TPRA1: variants seen among roughly 807,000 people sequenced by gnomAD.
TPRA1 encodes the protein transmembrane protein adipocyte associated 1.
Under a neutral mutation model 40.1 loss-of-function variants are expected in TPRA1, and 28 were observed. The observed-to-expected ratio is 0.70, with a 90% confidence interval of 0.52 to 0.96. TPRA1 has a LOEUF of 0.96. TPRA1 is among the 40% of genes least tolerant of loss of function. TPRA1 has a pLI of 0.00. For missense variants in TPRA1, 441 were observed against 482.6 expected (o/e 0.91, Z 0.81); for synonymous variants, 219 against 209.7 (o/e 1.04, Z -0.38).
chr3:127,574,752 T>C (rs2073521986), intron 10 of TPRA1, among the ~76,000 whole-genome samples: 2 of 152,256 alleles, frequency 1.3e-5, no homozygotes, highest in Admixed American at 6.5e-5. Flanking sequence ...GGAGAGTATG[T>C]CTGTGTGTAC....
intron 1 of TPRA1, among the ~76,000 whole-genome samples, chr3:127,586,742 A>G (rs2107659167): frequency 6.6e-6 from 1 of 152,288 alleles, no homozygotes; most frequent in South Asian, 2.1e-4. Flanking sequence ...CCCAGAATGG[A>G]ATGTCACGCA....
chr3:127,584,944 G>A (rs537638902), intron 1 of TPRA1, among the ~76,000 whole-genome samples: 1 of 152,230 alleles, frequency 6.6e-6, no homozygotes, highest in Non-Finnish European at 1.5e-5. Context: ...AGCAAGAGCA[G>A]CCTCCTCAGA....
In TPRA1 at chr3:127,571,970, A is replaced by G. The variant is rs1471372357; in HGVS notation, c.*1551T>C. The G allele has an allele frequency of 6.6e-6, 1 of 152,076 alleles. No individual in the cohort carries two copies. Among genetic ancestry groups the G allele is most frequent in the Non-Finnish European group, 1.5e-5 (1 of 68,016 alleles). The allele number at this position is 152,076 out of a possible 1,614,324, so 9.4% of individuals were successfully genotyped here. ...GATGGTCAAATCCCTGCTGGCCCCA[A>G]CCCTTACCCCGCTCACTCAGAATGC... On this transcript the variant is annotated 3_prime_UTR_variant, in exon 11 of 11. Transcript: ENST00000355552.
At chr3:127,583,041 G>A (rs551608687) in intron 1 of TPRA1, among the ~76,000 whole-genome samples, 2 of 151,242 alleles carry the variant, frequency 1.3e-5, no homozygotes, top group East Asian at 3.9e-4. Flanking sequence ...AGCTACCTGG[G>A]AGGCTGAGGC....
At chr3:127,579,911 C>T in intron 2 of TPRA1, 39 bp from the exon 3 acceptor site, 1 of 1,610,832 alleles carries the variant, frequency 6.2e-7, no homozygotes, top group Non-Finnish European at 8.5e-7. Flanking sequence ...CTGGCGAGGC[C>T]ACATATGCAC....
rs149547912 is a variant in TPRA1 at position 127,572,286 on chromosome 3, C to A, written c.*1235G>T. 6.6e-6 allele frequency among the ~76,000 whole-genome samples: 1 copy of A among 152,252 alleles called. No homozygotes were observed. Among genetic ancestry groups the A allele is most frequent in the Non-Finnish European group, 1.5e-5 (1 of 68,048 alleles). On this transcript the variant is annotated 3_prime_UTR_variant, in exon 11 of 11. Transcript: ENST00000355552. ...AACAGCCTGATCCTCAGGGTCCCCA[C>A]AGCCAGGGCTGAGACCTCCCCAGGC...
rs2073622275 is a variant in TPRA1, at chr3:127,576,304, C to T, written c.499-254G>A. Among the ~76,000 whole-genome samples, 2 of 152,140 alleles carry T rather than the reference C, an allele frequency of 1.3e-5. No homozygotes were observed. Among genetic ancestry groups the T allele is most frequent in the South Asian group, 2.1e-4 (1 of 4,822 alleles). ...AGAGATGGACAAGGTGCAGTCCCTG[C>T]CCCCAATCTAAGAAAGGGGCCTCTA... On this transcript the variant is annotated intron_variant, in intron 6 of 10. Coordinates refer to ENST00000355552, the MANE Select transcript of TPRA1 (RefSeq NM_001136053.4). The surrounding 1 kb of genome is among the most constrained non-coding windows in gnomAD (Gnocchi z 4.6).
intron 1 of TPRA1, among the ~76,000 whole-genome samples, chr3:127,597,767 A>G (rs979198891): frequency 6.6e-6 from 1 of 151,784 alleles, no homozygotes; most frequent in African/African-American, 2.4e-5. Flanking sequence ...TGTGCTCCTA[A>G]GACGGTAAGA....
chr3:127,575,217 G>A lies in TPRA1; in HGVS notation c.822C>T (p.Leu274=), dbSNP rs759539446. The change falls in exon 10 of 11, where the codon CTC becomes CTT. Residue 274 remains leucine, a synonymous_variant. Coordinates refer to ENST00000355552, the MANE Select transcript of TPRA1 (RefSeq NM_001136053.4). ...AGCCCCGGAGGAAAGCCACGTAGAT[G>A]AGCGGAGCGAAGAAGCTGAAGTACA... The part of the protein sequence containing the change: ...TFLYFSFFAP[L]IYVAFLRGFF... 3.7e-6 allele frequency: 6 copies of A among 1,613,922 alleles called. No homozygotes were observed. In the African/African-American group the frequency reaches 4.0e-5, roughly 11 times the overall value.
intron 1 of TPRA1, among the ~76,000 whole-genome samples, chr3:127,580,693 C>A (rs986626366): frequency 6.6e-6 from 1 of 152,264 alleles, no homozygotes; most frequent in Admixed American, 6.5e-5. Flanking sequence ...TCAGAGGCCA[C>A]TGACTTGTGT....
At position 127,571,372 on chromosome 3, in the gene TPRA1, A is replaced by G. The variant is rs1275033525; in HGVS notation, c.*2149T>C. ...GAGGACAACTATTGATCTCTGCAGA[A>G]GACTAATAAGAGTAATTAAAACTAA... On this transcript the variant is annotated 3_prime_UTR_variant, in exon 11 of 11. Transcript: ENST00000355552. The G allele has an allele frequency of 6.6e-6, 1 of 152,230 alleles. No individual in the cohort carries two copies. Among genetic ancestry groups the G allele is most frequent in the Non-Finnish European group, 1.5e-5 (1 of 68,038 alleles). 9.4% of individuals were successfully genotyped at this position (152,230 alleles called of 1,614,324 possible).
Position 127,577,071 on chromosome 3 carries a change from A to G in TPRA1, c.264T>C (p.Phe88=), listed in dbSNP as rs780207070. Residue 88 remains phenylalanine, a synonymous_variant, in exon 4 of 11, where the codon TTT becomes TTC. Transcript: ENST00000355552. ...PIFITFYILV[F]VVALVGIARA... Reference sequence around the variant, plus strand: ...GGGCAATGCCCACCAGCGCCACCACAAACACCTGGTGGGCAAGGGAGTGGT... The same window carrying G: ...GGGCAATGCCCACCAGCGCCACCACGAACACCTGGTGGGCAAGGGAGTGGT... The G allele has an allele frequency of 3.1e-6, 5 of 1,613,352 alleles. No individual in the cohort carries two copies. The highest frequency in any genetic ancestry group is 4.2e-6 in the Non-Finnish European group (5 of 1,179,980).
intron 1 of TPRA1, among the ~76,000 whole-genome samples, chr3:127,582,701 C>CA (rs1404690468): frequency 0.12 from 8,857 of 75,992 alleles, 586 homozygotes; most frequent in African/African-American, 0.26. Context: ...GACTCTGTCT[C>CA]AAAAAAAAAA....
rs1185704757 is a variant in TPRA1, at chr3:127,571,674, T to C, written c.*1847A>G. The C allele has an allele frequency of 1.3e-5, 2 of 152,176 alleles. No homozygotes were observed. The highest frequency in any genetic ancestry group is 2.9e-5 in the Non-Finnish European group (2 of 68,042). 9.4% of individuals were successfully genotyped at this position (152,176 alleles called of 1,614,324 possible). ...CACATCCGTTGGTGTGAACACAGGA[T>C]GGCTCTGGAAGGTTATGGAGACCCT... On this transcript the variant is annotated 3_prime_UTR_variant, in exon 11 of 11. Coordinates refer to ENST00000355552, the MANE Select transcript of TPRA1 (RefSeq NM_001136053.4).
At chr3:127,581,853 C>G (rs1262699393) in intron 1 of TPRA1, among the ~76,000 whole-genome samples, 2 of 149,280 alleles carry the variant, frequency 1.3e-5, no homozygotes, top group Non-Finnish European at 3.0e-5. Context: ...ACCCAGGTGG[C>G]GGAGCTTGCA....
rs1480898930 is a variant in TPRA1, at chr3:127,576,595, C to A, written c.498+22G>T. 1.3e-6 allele frequency: 2 copies of A among 1,570,326 alleles called. No homozygotes were observed. The highest frequency in any genetic ancestry group is 1.7e-6 in the Non-Finnish European group (2 of 1,155,608). Reference sequence around the variant, plus strand: ...CTGGTGCCCTGACTCCTAGCGTCCCCTGCCCACACTCACCCTCTTACCTGG... The same window carrying A: ...CTGGTGCCCTGACTCCTAGCGTCCCATGCCCACACTCACCCTCTTACCTGG... On this transcript the variant is annotated intron_variant, in intron 6 of 10. Coordinates refer to ENST00000355552, the MANE Select transcript of TPRA1 (RefSeq NM_001136053.4). The surrounding 1 kb of genome is among the most constrained non-coding windows in gnomAD (Gnocchi z 4.6).
rs765118359 is a variant in TPRA1, at chr3:127,573,723, T to C, written c.920A>G (p.His307Arg). The C allele has an allele frequency of 1.9e-6, 3 of 1,607,902 alleles. No individual in the cohort carries two copies. The South Asian group carries it at 3.3e-5, about 18-fold the overall frequency. The stretch of plus-strand genomic sequence containing the variant: ...GGCCACAGCGTAGGGCTGGGGTAGG[T>C]GTACATCTGGCTCCTCTGTCTCGTC... ...QVDETEEPDVHLPQPYAVARR... is the reference protein window; with the variant it reads ...QVDETEEPDVRLPQPYAVARR... The change falls in exon 11 of 11, where the codon CAC (histidine) becomes CGC (arginine). Residue 307 changes from histidine (H) to arginine (R), a missense_variant. His to Arg is a conservative substitution (Grantham distance 29, BLOSUM62 0). Coordinates refer to ENST00000355552, the MANE Select transcript of TPRA1 (RefSeq NM_001136053.4).
chr3:127,577,984 C>T (rs898733560), intron 3 of TPRA1, among the ~76,000 whole-genome samples: 2 of 152,220 alleles, frequency 1.3e-5, no homozygotes, highest in African/African-American at 4.8e-5. Context: ...GGGCAGATGG[C>T]GAGAGAGCAG....
At chr3:127,597,023 C>T (rs748579960) in intron 1 of TPRA1, among the ~76,000 whole-genome samples, 25 of 151,860 alleles carry the variant, frequency 1.6e-4, no homozygotes, top group African/African-American at 3.9e-4. Flanking sequence ...GGCTAAGGCA[C>T]GAGAATCGCT....
Sources: gnomAD v4.1 joint callset for allele counts (sites outside exome capture counted in the v4.1 genomes callset) on GRCh38, gnomAD v4.1.1 for gene constraint, Gnocchi (gnomAD v3.1) non-coding constraint, MANE v1.5 for transcripts, NCBI Gene and HGNC (gene_info 2026-07-23, HGNC 2026-07-21) for gene names.